CNNM2: variants seen among roughly 807,000 people sequenced by gnomAD.
CNNM2 encodes the protein cyclin and CBS domain divalent metal cation transport mediator 2.
Under a neutral mutation model 66.9 loss-of-function variants are expected in CNNM2, and 12 were observed. That is an observed-to-expected ratio of 0.18 (90% CI 0.11 to 0.29). The LOEUF is 0.29. Among genes scored for constraint, CNNM2 ranks in the 10% least tolerant of loss-of-function variants. The probability of loss-of-function intolerance (pLI) is 1.00; values close to 1 mark genes in which losing one functional copy is unlikely to be tolerated. For missense variants in CNNM2, 705 were observed against 1,167.7 expected (o/e 0.60, Z 5.77); for synonymous variants, 557 against 501.8 (o/e 1.11, Z -1.47).
intron 1 of CNNM2, among the ~76,000 whole-genome samples, chr10:102,921,846 T>C (rs1845651073): frequency 6.6e-6 from 1 of 152,218 alleles, no homozygotes; most frequent in Non-Finnish European, 1.5e-5. Context: ...TGCTGAAGTC[T>C]TTTCTTCACT....
In CNNM2 at chr10:103,009,341, T is replaced by G. The variant is rs7100592; in HGVS notation, c.1622-40366T>G. Among the ~76,000 whole-genome samples the G allele has an allele frequency of 0.1, 15,872 of 152,064 alleles. 854 individuals are homozygous for G. Among genetic ancestry groups the G allele is most frequent in the Middle Eastern group, 0.18 (52 of 294 alleles). On this transcript the variant is annotated intron_variant, in intron 1 of 7. Transcript: ENST00000369878. Reference sequence around the variant, plus strand: ...TCTGTAAGAGAAATTTCTTGTTGGTTTATGACATTTGAGTTAACTAAAAAA... The same window carrying G: ...TCTGTAAGAGAAATTTCTTGTTGGTGTATGACATTTGAGTTAACTAAAAAA...
At chr10:103,021,761 C>CAGG (rs2064586694) in intron 1 of CNNM2, among the ~76,000 whole-genome samples, 1 of 151,778 alleles carries the variant, frequency 6.6e-6, no homozygotes, top group African/African-American at 2.4e-5. Context: ...CTCTTTCCCC[C>CAGG]AGAATACAAC....
Position 103,076,241 on chromosome 10 carries a change from C to A in CNNM2, c.2389C>A (p.Arg797=). The A allele has an allele frequency of 1.9e-6, 3 of 1,564,632 alleles. No homozygotes were observed. The highest frequency in any genetic ancestry group is 2.6e-6 in the Non-Finnish European group (3 of 1,154,294). Residue 797 remains arginine, a synonymous_variant, in exon 7 of 8, where the codon CGA becomes AGA. Transcript: ENST00000369878. ...LQVYIPDYSV[R]ALSDLQFVKI... The stretch of plus-strand genomic sequence containing the variant: ...AGTCTACATCCCCGATTACTCGGTG[C>A]GAGCCCTTTCGGATCTGCAGTTTGT...
At chr10:102,970,718 C>T (rs1159743863) in intron 1 of CNNM2, among the ~76,000 whole-genome samples, 1 of 152,160 alleles carries the variant, frequency 6.6e-6, no homozygotes, top group Non-Finnish European at 1.5e-5. Flanking sequence ...CTGTTTCCTC[C>T]CTGGGCCAGT....
intron 4 of CNNM2, among the ~76,000 whole-genome samples, chr10:103,066,961 T>G (rs2065488867): frequency 6.6e-6 from 1 of 152,212 alleles, no homozygotes; most frequent in South Asian, 2.1e-4. Flanking sequence ...GGCTAGGGAC[T>G]GGTGAACTGT....
intron 1 of CNNM2, among the ~76,000 whole-genome samples, chr10:102,925,296 CAAAAAAAAAAAAA>C (rs10624810): frequency 5.6e-4 from 10 of 17,762 alleles, no homozygotes; most frequent in African/African-American, 9.5e-4. Flanking sequence ...AACTCCATCT[CAAAAAAAAAAAAA>C]AAAAAAAAAA....
Position 103,040,945 on chromosome 10 carries a change from C to T in CNNM2, c.1622-8762C>T, listed in dbSNP as rs187498111. 1.6e-3 allele frequency among the ~76,000 whole-genome samples: 241 copies of T among 152,258 alleles called. 1 individual carries two copies. Among genetic ancestry groups the T allele is most frequent in the Non-Finnish European group, 2.4e-3 (161 of 68,012 alleles). On this transcript the variant is annotated intron_variant, in intron 1 of 7. Coordinates refer to ENST00000369878, the MANE Select transcript of CNNM2 (RefSeq NM_017649.5). ...GCTAAATACGGGAGGAGAATTGCTT[C>T]TCTTATTCTGAAGTTGTGCTGTCCC...
intron 1 of CNNM2, among the ~76,000 whole-genome samples, chr10:103,012,316 G>A (rs1479775665): frequency 3.3e-5 from 5 of 152,138 alleles, no homozygotes; most frequent in Non-Finnish European, 5.9e-5. Context: ...GAGATTTTAT[G>A]TAATTTCCTA....
chr10:102,962,834 C>T (rs1001456809), intron 1 of CNNM2, among the ~76,000 whole-genome samples: 3 of 151,586 alleles, frequency 2.0e-5, no homozygotes, highest in East Asian at 1.9e-4. Flanking sequence ...AAATTTCTTC[C>T]GTGAGCATTT....
chr10:103,046,142 C>T (rs1218508069), intron 1 of CNNM2, among the ~76,000 whole-genome samples: 2 of 152,226 alleles, frequency 1.3e-5, no homozygotes, highest in South Asian at 2.1e-4. Flanking sequence ...ATTTTCACAA[C>T]AATCCTATTG....
chr10:102,987,469 C>T (rs1309547016), intron 1 of CNNM2, among the ~76,000 whole-genome samples: 1 of 151,968 alleles, frequency 6.6e-6, no homozygotes, highest in Non-Finnish European at 1.5e-5. Context: ...CACAGGTGCC[C>T]ACCACCACGC....
intron 1 of CNNM2, among the ~76,000 whole-genome samples, chr10:103,017,082 G>T (rs925588603): frequency 4.0e-5 from 6 of 151,870 alleles, no homozygotes; most frequent in African/African-American, 1.5e-4. Flanking sequence ...GTAGGTATTT[G>T]TGAGGCCCAA....
At chr10:103,063,960 T>C (rs547742239) in intron 4 of CNNM2, among the ~76,000 whole-genome samples, 1 of 152,334 alleles carries the variant, frequency 6.6e-6, no homozygotes, top group South Asian at 2.1e-4. Flanking sequence ...AATGAATGTT[T>C]TTTGGAACCA....
intron 1 of CNNM2, among the ~76,000 whole-genome samples, chr10:102,979,010 A>ATCCATTCT (rs1222819200): frequency 1.3e-5 from 2 of 152,176 alleles, no homozygotes; most frequent in African/African-American, 4.8e-5. Context: ...CGATTTATTT[A>ATCCATTCT]TCCATTCTTC....
chr10:103,029,807 A>G (rs1018971624), intron 1 of CNNM2, among the ~76,000 whole-genome samples: 14 of 152,042 alleles, frequency 9.2e-5, no homozygotes, highest in East Asian at 3.9e-4. Context: ...CGGAGGTTGC[A>G]GTGAGCCAAG....
Position 103,089,490 on chromosome 10 carries a change from G to A in CNNM2, c.*12310G>A. The A allele has an allele frequency of 1.8e-6, 2 of 1,086,322 alleles. No individual in the cohort carries two copies. The highest frequency in any genetic ancestry group is 2.5e-6 in the Non-Finnish European group (2 of 799,466). The allele number at this position is 1,086,322 out of a possible 1,614,324, so 67.3% of individuals were successfully genotyped here. The stretch of plus-strand genomic sequence containing the variant: ...ATTACAATTTTGGACCATCTGCAGA[G>A]AGTACAGATACACAAAACCAAAACA... On this transcript the variant is annotated 3_prime_UTR_variant, in exon 8 of 8. Transcript: ENST00000369878.
chr10:102,927,126 A>G (rs1225853746), intron 1 of CNNM2, among the ~76,000 whole-genome samples: 3 of 105,724 alleles, frequency 2.8e-5, no homozygotes, highest in African/African-American at 8.5e-5. Context: ...TTAGATGCGT[A>G]GTTACTTATA....
At chr10:103,014,696 G>A (rs956712756) in intron 1 of CNNM2, among the ~76,000 whole-genome samples, 2 of 152,052 alleles carry the variant, frequency 1.3e-5, no homozygotes, top group African/African-American at 4.8e-5. Context: ...TGATGCTCAA[G>A]CGCTTTTACA....
chr10:102,995,518 T>C (rs1245547842), intron 1 of CNNM2, among the ~76,000 whole-genome samples: 2 of 151,512 alleles, frequency 1.3e-5, no homozygotes, highest in Non-Finnish European at 2.9e-5. Flanking sequence ...CCTTTCTCTT[T>C]CTTGCTAACT....
Sources: allele counts gnomAD v4.1 joint callset (sites outside exome capture counted in the v4.1 genomes callset), GRCh38; gene constraint gnomAD v4.1.1; transcripts MANE v1.5; gene names NCBI Gene and HGNC (gene_info 2026-07-23, HGNC 2026-07-21).